PKIB: variants seen among roughly 807,000 people sequenced by gnomAD.
PKIB encodes cAMP-dependent protein kinase inhibitor beta.
Under a neutral mutation model 4.5 loss-of-function variants are expected in PKIB, and 2 were observed. The observed-to-expected ratio is 0.44, with a 90% CI of 0.18 to 1.39. PKIB has a LOEUF of 1.39. PKIB is among the 40% of genes most tolerant of loss of function. The probability of loss-of-function intolerance (pLI) is 0.27; values close to 1 mark genes in which losing one functional copy is unlikely to be tolerated. For synonymous variants in PKIB, 38 were observed against 36.0 expected (o/e 1.06, Z -0.20); for missense variants, 94 against 92.6 (o/e 1.02, Z -0.06).
chr6:122,553,758 T>C (rs1772759779), intron 2 of PKIB, among the ~76,000 whole-genome samples: 2 of 152,098 alleles, frequency 1.3e-5, no homozygotes, highest in African/African-American at 4.8e-5. Flanking sequence ...AATTGAACAA[T>C]GAATAAGCAA....
chr6:122,525,025 C>A (rs1264574083), intron 2 of PKIB, among the ~76,000 whole-genome samples: 1 of 150,374 alleles, frequency 6.7e-6, no homozygotes, highest in East Asian at 2.0e-4. Flanking sequence ...AGTTTTTTTC[C>A]CCTAGTTTCC....
At chr6:122,691,558 GT>G (rs1778356950) in intron 3 of PKIB, among the ~76,000 whole-genome samples, 1 of 151,448 alleles carries the variant, frequency 6.6e-6, no homozygotes, top group African/African-American at 2.4e-5. Context: ...CAATCTCTTT[GT>G]TACATTTAAC....
intron 1 of PKIB, among the ~76,000 whole-genome samples, chr6:122,472,243 G>A (rs1775325030): frequency 6.6e-6 from 1 of 152,086 alleles, no homozygotes; most frequent in South Asian, 2.1e-4. Context: ...ATCCTGTTTT[G>A]CTCTTGCGTT....
At chr6:122,616,655 A>C (rs1260513222) in intron 1 of PKIB, among the ~76,000 whole-genome samples, 1 of 152,084 alleles carries the variant, frequency 6.6e-6, no homozygotes, top group Admixed American at 6.5e-5. Context: ...GAGGCCTTGA[A>C]CATACAATGT....
chr6:122,714,085 A>T (rs763471750), intron 3 of PKIB, among the ~76,000 whole-genome samples: 19 of 152,212 alleles, frequency 1.2e-4, no homozygotes, highest in Non-Finnish European at 2.6e-4. Context: ...TTGGAGTTTA[A>T]AGAGCCCAGC....
chr6:122,632,930 T>G (rs1049590624), intron 1 of PKIB, among the ~76,000 whole-genome samples: 1 of 152,248 alleles, frequency 6.6e-6, no homozygotes, highest in African/African-American at 2.4e-5. Context: ...AGAATGTCTC[T>G]GACTGTTCAT....
chr6:122,517,728 T>A (rs1324102938), intron 2 of PKIB, among the ~76,000 whole-genome samples: 1 of 152,214 alleles, frequency 6.6e-6, no homozygotes, highest in Non-Finnish European at 1.5e-5. Flanking sequence ...ATAATTCTAT[T>A]TATGGCATTC....
chr6:122,564,878 G>T (rs987972047), intron 2 of PKIB, among the ~76,000 whole-genome samples: 2 of 152,204 alleles, frequency 1.3e-5, no homozygotes, highest in Middle Eastern at 3.4e-3. Context: ...CAGTGTTAGG[G>T]TTTCTCTGGA....
At chr6:122,662,400 C>T (rs1438680041) in intron 2 of PKIB, among the ~76,000 whole-genome samples, 2 of 139,790 alleles carry the variant, frequency 1.4e-5, no homozygotes, top group Non-Finnish European at 3.0e-5. Context: ...ACTGCAACCT[C>T]CGCCTCCCGG....
At chr6:122,722,033 A>C (rs1351383248) in intron 4 of PKIB, among the ~76,000 whole-genome samples, 1 of 152,164 alleles carries the variant, frequency 6.6e-6, no homozygotes, top group Non-Finnish European at 1.5e-5. Context: ...TTATGTTGGA[A>C]GAATATATTG....
intron 3 of PKIB, among the ~76,000 whole-genome samples, chr6:122,597,834 CTGGGG>C (rs1459437199): frequency 1.3e-5 from 2 of 152,136 alleles, no homozygotes; most frequent in Non-Finnish European, 2.9e-5. Context: ...CAGGATGAGT[CTGGGG>C]ACCAACTGGA....
At chr6:122,591,967 G>C (rs1218268862) in intron 3 of PKIB, among the ~76,000 whole-genome samples, 1 of 151,056 alleles carries the variant, frequency 6.6e-6, no homozygotes. Context: ...TCCTCAACTG[G>C]GATTCAACAC....
At chr6:122,717,612 C>A in intron 3 of PKIB, 175 bp from the exon 4 acceptor site, 2 of 637,242 alleles carry the variant, frequency 3.1e-6, no homozygotes, top group Non-Finnish European at 5.3e-6. Context: ...CTCTATTCAG[C>A]AAATGTGCAA....
At chr6:122,556,175 C>T (rs964479995) in intron 2 of PKIB, among the ~76,000 whole-genome samples, 1 of 152,144 alleles carries the variant, frequency 6.6e-6, no homozygotes, top group Admixed American at 6.5e-5. Context: ...AGGGCTTTTC[C>T]TGCCTTTGCT....
rs77940119 is a variant in PKIB, at chr6:122,590,700, A to C, written c.-161+4693A>C. The stretch of plus-strand genomic sequence containing the variant: ...ATTTTATCTCCATAGTGCATTTTTC[A>C]AGTTTAGAGAAGGGCAGAACCATCA... On this transcript the variant is annotated intron_variant, in intron 3 of 6. Coordinates refer to the PKIB transcript ENST00000392491. Among the ~76,000 whole-genome samples, 351 of 152,240 alleles carry C rather than the reference A, an allele frequency of 2.3e-3. 2 individuals carry two copies. Among genetic ancestry groups the C allele is most frequent in the African/African-American group, 8.1e-3 (337 of 41,554 alleles).
At chr6:122,640,133 A>G (rs1776069122) in intron 2 of PKIB, among the ~76,000 whole-genome samples, 1 of 152,154 alleles carries the variant, frequency 6.6e-6, no homozygotes, top group Admixed American at 6.5e-5. Context: ...CTAATTCAAA[A>G]TGGTTGCTAT....
In PKIB at chr6:122,565,262, C is replaced by A. The variant is rs144356423; in HGVS notation, c.-247-20659C>A. Among the ~76,000 whole-genome samples, 329 of 152,234 alleles carry A rather than the reference C, an allele frequency of 2.2e-3. 1 individual carries two copies. Among genetic ancestry groups the A allele is most frequent in the African/African-American group, 7.8e-3 (322 of 41,536 alleles). On this transcript the variant is annotated intron_variant, in intron 2 of 6. Coordinates refer to the PKIB transcript ENST00000392491. ...CTGGCAGAAAATACCACTCAAAGTT[C>A]TTGGGAAGGTCCTGGAGATCATATC... is the stretch of plus-strand genomic sequence containing the variant.
chr6:122,720,867 A>G (rs1349350450), intron 4 of PKIB, among the ~76,000 whole-genome samples: 3 of 151,910 alleles, frequency 2.0e-5, no homozygotes, highest in Non-Finnish European at 4.4e-5. Flanking sequence ...ACACGCTGCT[A>G]ATATTTGTAT....
chr6:122,621,513 T>C (rs957726356), intron 1 of PKIB, among the ~76,000 whole-genome samples: 5 of 152,200 alleles, frequency 3.3e-5, no homozygotes, highest in Non-Finnish European at 7.3e-5. Flanking sequence ...AGTAATCTAA[T>C]ATCAGGAATG....
Sources: allele counts gnomAD v4.1 joint callset (sites outside exome capture counted in the v4.1 genomes callset), GRCh38; gene constraint gnomAD v4.1.1; transcripts MANE v1.5; gene names NCBI Gene and HGNC (gene_info 2026-07-23, HGNC 2026-07-21).